Variants in AGL observed in about 807,000 individuals in gnomAD.
AGL encodes glycogen debranching enzyme.
AGL carries 128 observed loss-of-function variants against 199.3 expected under a neutral mutation model. That is an observed-to-expected ratio of 0.64 (90% CI 0.56 to 0.74). AGL has a LOEUF of 0.74. Among genes scored for constraint, AGL ranks in the 30% least tolerant of loss-of-function variants. The pLI, the probability that AGL is intolerant of heterozygous loss-of-function variation, is 0.00. For missense variants in AGL, 1,809 were observed against 1,820.8 expected (o/e 0.99, Z 0.12); for synonymous variants, 584 against 594.7 (o/e 0.98, Z 0.26).
intron 12 of AGL, among the ~76,000 whole-genome samples, chr1:99,878,739 A>G (rs964119930): frequency 6.6e-6 from 1 of 152,144 alleles, no homozygotes; most frequent in Non-Finnish European, 1.5e-5. Flanking sequence ...GTATTATAAT[A>G]TATATTTCAA....
intron 29 of AGL, 49 bp from the exon 30 acceptor site, chr1:99,913,478 T>G: frequency 7.1e-7 from 1 of 1,400,864 alleles, no homozygotes; most frequent in Non-Finnish European, 1.0e-6. Context: ...ACTAGATGTG[T>G]GAATTGTTTT....
intron 2 of AGL, among the ~76,000 whole-genome samples, chr1:99,860,065 T>C (rs1571223745): frequency 6.6e-6 from 1 of 152,146 alleles, no homozygotes; most frequent in Non-Finnish European, 1.5e-5. Flanking sequence ...TCAAAAAATA[T>C]AAACATTCTT....
intron 28 of AGL, 54 bp from the exon 29 acceptor site, chr1:99,912,347 TTAAA>T: frequency 1.5e-6 from 2 of 1,332,528 alleles, no homozygotes; most frequent in South Asian, 2.4e-5. Context: ...CGAATGCCCT[TTAAA>T]TAGTACTTAA....
chr1:99,875,538 C>A, intron 10 of AGL, 83 bp downstream of exon 10: 2 of 1,174,532 alleles, frequency 1.7e-6, no homozygotes, highest in South Asian at 1.3e-5. Flanking sequence ...TAAATGTTTT[C>A]TTTAACATGT....
Position 99,910,707 on chromosome 1 carries a change from T to C in AGL, c.3701-5T>C. 1 of 1,576,200 alleles carries C rather than the reference T, an allele frequency of 6.3e-7. No individual in the cohort carries two copies. ...ATTTTATTTTATACACATTTTGTTTTTTAGGTTTTAATATAACTGCAGGAG... is the reference window on the plus strand; with the variant it reads ...ATTTTATTTTATACACATTTTGTTTCTTAGGTTTTAATATAACTGCAGGAG... On this transcript the variant is annotated splice_polypyrimidine_tract_variant and splice_region_variant and intron_variant, in intron 27 of 33. Coordinates refer to ENST00000361915, the MANE Select transcript of AGL (RefSeq NM_000642.3).
At chr1:99,864,223 G>T (rs1020770336) in intron 4 of AGL, among the ~76,000 whole-genome samples, 163 bp from the exon 5 acceptor site, 3 of 152,146 alleles carry the variant, frequency 2.0e-5, no homozygotes, top group Non-Finnish European at 2.9e-5. Flanking sequence ...AGTCTCTTGT[G>T]GTACAGTTAG....
intron 7 of AGL, among the ~76,000 whole-genome samples, chr1:99,872,807 G>A (rs750631758): frequency 9.9e-5 from 15 of 152,188 alleles, no homozygotes; most frequent in East Asian, 1.9e-4. Context: ...GATTACAGGC[G>A]TGAGCCACCG....
intron 8 of AGL, 100 bp from the exon 9 acceptor site, chr1:99,875,054 G>A: frequency 1.7e-6 from 2 of 1,143,356 alleles, no homozygotes; most frequent in South Asian, 2.8e-5. Flanking sequence ...AAATCCCGAT[G>A]AATATATTTA....
intron 21 of AGL, among the ~76,000 whole-genome samples, chr1:99,889,708 CTT>C (rs1488894237): frequency 6.6e-6 from 1 of 152,124 alleles, no homozygotes; most frequent in African/African-American, 2.4e-5. Context: ...AAAGACCAAA[CTT>C]GTGTGTGCTC....
In AGL at chr1:99,854,485, G is replaced by A. The variant is rs575718395; in HGVS notation, c.82+3361G>A. On this transcript the variant is annotated intron_variant, in intron 2 of 33. Transcript: ENST00000361915. ...TTGTTTTAGAAGATAATTTGAAGCC[G>A]GGTGCGGTGGCTCACGCCTGTAATC... Among the ~76,000 whole-genome samples, 7 of 152,202 alleles carry A rather than the reference G, an allele frequency of 4.6e-5. No homozygotes were observed. In the South Asian group the frequency reaches 6.2e-4, roughly 14 times the overall value.
At chr1:99,913,161 G>A (rs1570509995) in intron 29 of AGL, among the ~76,000 whole-genome samples, 1 of 151,706 alleles carries the variant, frequency 6.6e-6, no homozygotes, top group Admixed American at 6.6e-5. Flanking sequence ...CGGAGGTTGC[G>A]GTGAGCCAAG....
At chr1:99,873,066 A>G (rs1249220017) in intron 7 of AGL, among the ~76,000 whole-genome samples, 1 of 151,956 alleles carries the variant, frequency 6.6e-6, no homozygotes, top group Non-Finnish European at 1.5e-5. Context: ...AAACTTTTCA[A>G]TCTCTGATGG....
intron 2 of AGL, chr1:99,861,158 C>T: frequency 3.4e-6 from 4 of 1,164,558 alleles, no homozygotes; most frequent in South Asian, 1.9e-5. Context: ...CAGATGCCTG[C>T]CATTGGGTAC....
intron 2 of AGL, 92 bp from the exon 3 acceptor site, chr1:99,861,411 A>G (rs1650020883): frequency 3.2e-6 from 5 of 1,578,504 alleles, no homozygotes; most frequent in Non-Finnish European, 4.3e-6. Context: ...TTGAAAAATC[A>G]AGGTTTTTTA....
chr1:99,884,504 C>T, intron 19 of AGL, 53 bp downstream of exon 19: 1 of 1,596,764 alleles, frequency 6.3e-7, no homozygotes, highest in Non-Finnish European at 8.6e-7. Context: ...AAATAGTTTG[C>T]ATATCCTGTT....
In AGL at chr1:99,851,038, C is replaced by G; in HGVS notation, c.-5C>G. On this transcript the variant is annotated 5_prime_UTR_variant, in exon 2 of 34. Transcript: ENST00000361915. ...TGAAAGATTTCAAATCCTCTAGAAG[C>G]CAAAATGGGACACAGTAAACAGATT... The G allele has an allele frequency of 6.2e-7, 1 of 1,612,812 alleles. No homozygotes were observed. Among genetic ancestry groups the G allele is most frequent in the Non-Finnish European group, 8.5e-7 (1 of 1,178,920 alleles).
intron 5 of AGL, among the ~76,000 whole-genome samples, chr1:99,865,677 A>G (rs930398569): frequency 6.6e-6 from 1 of 152,238 alleles, no homozygotes; most frequent in Non-Finnish European, 1.5e-5. Flanking sequence ...TTTGGAAACC[A>G]CTGATTTGCA....
chr1:99,857,011 G>C (rs1287770846), intron 2 of AGL, among the ~76,000 whole-genome samples: 1 of 151,368 alleles, frequency 6.6e-6, no homozygotes, highest in African/African-American at 2.4e-5. Flanking sequence ...TCCCAGTAGG[G>C]GCGGCCAGGC....
At position 99,913,675 on chromosome 1, in the gene AGL, TG is replaced by T. The variant is rs777120567; in HGVS notation, c.4100del (p.Gly1367GlufsTer17). 5 of 1,614,150 alleles carry T rather than the reference TG, an allele frequency of 3.1e-6. No individual in the cohort carries two copies. Among genetic ancestry groups the T allele is most frequent in the Non-Finnish European group, 4.2e-6 (5 of 1,180,004 alleles). ...AACGTGGCATATACAAAGATAGTTA[TG>T]GAGCTTCAAGTCCTTGGTGTGACTA... ...HKRGIYKDSY[G>X]ASSPWCDYQL... On this transcript the variant is annotated frameshift_variant, in exon 30 of 34. Transcript: ENST00000361915. LOFTEE classifies it high-confidence loss of function.
Sources: gnomAD v4.1 joint callset for allele counts (sites outside exome capture counted in the v4.1 genomes callset) on GRCh38, gnomAD v4.1.1 for gene constraint, MANE v1.5 for transcripts, NCBI Gene and HGNC (gene_info 2026-07-23, HGNC 2026-07-21) for gene names.